The following TRPM3 variants were observed in gnomAD, a reference collection of about 807,000 sequenced individuals.
TRPM3 encodes the protein long transient receptor potential channel 3.
TRPM3 carries 77 observed loss-of-function variants against 181.2 expected under a neutral mutation model. The observed-to-expected ratio is 0.42, with a 90% CI of 0.35 to 0.51. TRPM3 has a LOEUF of 0.51. Among genes scored for constraint, TRPM3 ranks in the 20% least tolerant of loss-of-function variants. TRPM3 has a pLI of 0.01. For missense variants in TRPM3, 1,759 were observed against 2,196.7 expected, an observed-to-expected ratio of 0.80 and a Z score of 3.98; for synonymous variants, 745 against 796.4, an observed-to-expected ratio of 0.94 and a Z score of 1.09.
chr9:71,435,575 A>G (rs1247075340), intron 1 of TRPM3, among the ~76,000 whole-genome samples: 2 of 152,244 alleles, frequency 1.3e-5, no homozygotes, highest in Non-Finnish European at 2.9e-5. Context: ...CATTCCAAAT[A>G]CATGAGTATT....
At chr9:71,199,662 G>C (rs1036215479) in intron 1 of TRPM3, among the ~76,000 whole-genome samples, 1 of 152,086 alleles carries the variant, frequency 6.6e-6, no homozygotes, top group African/African-American at 2.4e-5. Context: ...TATTTGCGTA[G>C]AGGTGTTTGT....
intron 1 of TRPM3, among the ~76,000 whole-genome samples, chr9:71,113,559 G>A (rs1033726087): frequency 1.3e-5 from 2 of 152,102 alleles, no homozygotes; most frequent in Non-Finnish European, 2.9e-5. Flanking sequence ...AGTAAACAAA[G>A]AGTGAGTCTG....
chr9:71,331,823 A>G (rs62544224), intron 1 of TRPM3, among the ~76,000 whole-genome samples: 20 of 13,906 alleles, frequency 1.4e-3, no homozygotes, highest in East Asian at 3.0e-3. Context: ...GAGAGAGGAG[A>G]AGGAAGAGGA....
intron 12 of TRPM3, among the ~76,000 whole-genome samples, chr9:70,626,575 C>G (rs548212544): frequency 6.6e-6 from 1 of 152,280 alleles, no homozygotes; most frequent in Admixed American, 6.5e-5. Context: ...AACGGCTGGA[C>G]TTTGTCTCAC....
At chr9:71,043,467 A>G (rs190691183) in intron 1 of TRPM3, among the ~76,000 whole-genome samples, 1 of 152,334 alleles carries the variant, frequency 6.6e-6, no homozygotes, top group African/African-American at 2.4e-5. Flanking sequence ...TATAAAAGCT[A>G]CAGTTCTGGG....
At chr9:71,213,492 A>G (rs907651348) in intron 1 of TRPM3, among the ~76,000 whole-genome samples, 3 of 152,252 alleles carry the variant, frequency 2.0e-5, no homozygotes, top group Non-Finnish European at 4.4e-5. Context: ...GAATGATATC[A>G]TAAATAGCAA....
intron 8 of TRPM3, among the ~76,000 whole-genome samples, chr9:70,683,206 C>T (rs78660075): frequency 0.012 from 1,881 of 152,150 alleles, 28 homozygotes; most frequent in African/African-American, 0.035. Context: ...GAAATGCCTT[C>T]ACAGATATTT....
chr9:71,180,404 T>A (rs1409100685), intron 1 of TRPM3, among the ~76,000 whole-genome samples: 1 of 152,118 alleles, frequency 6.6e-6, no homozygotes, highest in Non-Finnish European at 1.5e-5. Context: ...GTATTTCAAA[T>A]TCAATTCACT....
intron 5 of TRPM3, among the ~76,000 whole-genome samples, chr9:70,842,112 G>A (rs1408907823): frequency 1.3e-5 from 2 of 152,022 alleles, no homozygotes; most frequent in Non-Finnish European, 2.9e-5. Flanking sequence ...TGTGTTTCAT[G>A]ACATTTAGTT....
At chr9:71,300,617 CT>C (rs1455351009) in intron 1 of TRPM3, among the ~76,000 whole-genome samples, 1 of 152,058 alleles carries the variant, frequency 6.6e-6, no homozygotes, top group African/African-American at 2.4e-5. Context: ...GCTGGTTTAA[CT>C]GTAATTCTAA....
At chr9:71,165,298 A>G (rs2076485604) in intron 1 of TRPM3, among the ~76,000 whole-genome samples, 1 of 152,200 alleles carries the variant, frequency 6.6e-6, no homozygotes, top group Non-Finnish European at 1.5e-5. Flanking sequence ...TGCCTGGTCT[A>G]TAGATAGTAA....
rs1565261349 is a variant in TRPM3 at position 71,134,017 on chromosome 9, G to GCGCGCA, written c.184-269507_184-269506insTGCGCG. Among the ~76,000 whole-genome samples the GCGCGCA allele has an allele frequency of 2.4e-5, 3 of 123,658 alleles. No individual in the cohort carries two copies. In the Admixed American group the frequency reaches 2.5e-4, roughly 10 times the overall value. 81.1% of individuals were successfully genotyped at this position (123,658 alleles called of 152,430 possible). A position where few individuals can be genotyped will look rare whatever the true frequency, so the allele number is the denominator to read the frequency against. ...TGTGTGTGTGTGTGTGTGTGTGTGC[G>GCGCGCA]CGTGCGCGCGCGCGCGTGTCTGTGT... is the stretch of plus-strand genomic sequence containing the variant. On this transcript the variant is annotated intron_variant, in intron 1 of 24. Transcript: ENST00000357533.
At position 70,898,762 on chromosome 9, in the gene TRPM3, A is replaced by AAAG. The variant is rs1554764723; in HGVS notation, c.178-34252_178-34251insCTT. ...GACTTCATCTCAAAAAAAAAAAAAA[A>AAAG]AAAAGAAAAGAAAAGAAAAGAAAAG... On this transcript the variant is annotated intron_variant, in intron 1 of 25. Coordinates refer to ENST00000677713, the MANE Select transcript of TRPM3 (RefSeq NM_001366145.2). Among the ~76,000 whole-genome samples the AAAG allele has an allele frequency of 2.6e-3, 370 of 143,026 alleles. 1 individual carries two copies. The highest frequency in any genetic ancestry group is 8.8e-3 in the African/African-American group (340 of 38,730). 93.8% of individuals were successfully genotyped at this position (143,026 alleles called of 152,430 possible).
At chr9:70,557,164 C>T (rs1160103611) in intron 22 of TRPM3, among the ~76,000 whole-genome samples, 1 of 152,108 alleles carries the variant, frequency 6.6e-6, no homozygotes, top group Non-Finnish European at 1.5e-5. Flanking sequence ...CAAAGCTTTG[C>T]ATTATTGTGT....
intron 1 of TRPM3, among the ~76,000 whole-genome samples, chr9:71,434,427 A>G (rs1206192397): frequency 6.6e-6 from 1 of 152,156 alleles, no homozygotes; most frequent in Non-Finnish European, 1.5e-5. Context: ...CAGAACCTTG[A>G]TCTTGGACTT....
At chr9:71,032,097 A>AT (rs1436715824) in intron 1 of TRPM3, among the ~76,000 whole-genome samples, 1 of 85,792 alleles carries the variant, frequency 1.2e-5, no homozygotes, top group South Asian at 3.0e-4. Context: ...ATAATTATAT[A>AT]ATATTATATA....
intron 1 of TRPM3, among the ~76,000 whole-genome samples, chr9:71,331,810 G>A (rs1458480358): frequency 2.0e-4 from 4 of 20,406 alleles, no homozygotes; most frequent in East Asian, 1.2e-3. Flanking sequence ...GGAGAAAGAC[G>A]AGGAGAGAGG....
chr9:70,536,273 C>A lies in TRPM3; in HGVS notation c.4840G>T (p.Ala1614Ser), dbSNP rs748409142. The change falls in exon 26 of 26, where the codon GCC (alanine) becomes TCC (serine). Residue 1614 changes from alanine (A) to serine (S), a missense_variant. Transcript: ENST00000677713. Reference sequence around the variant, plus strand: ...GCAATGGTGGCTCTGCGGCCTTTGGCCTCATTCTCCTCACTGTCAGAGCTG... The same window carrying A: ...GCAATGGTGGCTCTGCGGCCTTTGGACTCATTCTCCTCACTGTCAGAGCTG... ...HPSSDSEENEAKGRRATIAIS... is the reference protein window; with the variant it reads ...HPSSDSEENESKGRRATIAIS... 6.2e-7 allele frequency: 1 copy of A among 1,614,168 alleles called. No homozygotes were observed.
At chr9:70,680,535 G>A (rs779525566) in intron 9 of TRPM3, among the ~76,000 whole-genome samples, 7 of 152,160 alleles carry the variant, frequency 4.6e-5, no homozygotes, top group African/African-American at 1.7e-4. Flanking sequence ...GTTAAGGATT[G>A]TGTGAGGTGT....
Sources: gnomAD v4.1 joint callset for allele counts (sites outside exome capture counted in the v4.1 genomes callset) on GRCh38, gnomAD v4.1.1 for gene constraint, MANE v1.5 for transcripts, NCBI Gene and HGNC (gene_info 2026-07-23, HGNC 2026-07-21) for gene names.